PRSS12: variants seen among roughly 807,000 people sequenced by gnomAD.
PRSS12 encodes neurotrypsin.
A neutral mutation model predicts 104.4 loss-of-function variants in PRSS12; 85 were observed. The observed-to-expected ratio is 0.81, with a 90% confidence interval of 0.68 to 0.98. The LOEUF (loss-of-function observed/expected upper bound fraction) is 0.98. Among genes scored for constraint, PRSS12 ranks in the 50% least tolerant of loss-of-function variants. The pLI is 0.00. For missense variants in PRSS12, 1,141 were observed against 1,139.2 expected (o/e 1.00, Z -0.02); for synonymous variants, 454 against 425.2 (o/e 1.07, Z -0.83).
chr4:118,329,866 C>T (rs188017267), intron 4 of PRSS12, among the ~76,000 whole-genome samples: 7 of 152,270 alleles, frequency 4.6e-5, no homozygotes, highest in South Asian at 2.1e-4. Flanking sequence ...CCAGAACACA[C>T]GCCCATAATC....
intron 11 of PRSS12, among the ~76,000 whole-genome samples, chr4:118,288,383 ACTATGTCAT>A (rs1743057289): frequency 6.6e-6 from 1 of 152,214 alleles, no homozygotes; most frequent in South Asian, 2.1e-4. Flanking sequence ...TCTACCATAT[ACTATGTCAT>A]GATGAAACAT....
chr4:118,348,148 G>C (rs1272466960), intron 1 of PRSS12, among the ~76,000 whole-genome samples: 2 of 152,150 alleles, frequency 1.3e-5, no homozygotes, highest in Non-Finnish European at 2.9e-5. Context: ...AGAATTGCTT[G>C]ATCCTGAGAG....
chr4:118,350,598 A>G (rs1361184672), intron 1 of PRSS12, among the ~76,000 whole-genome samples: 1 of 152,180 alleles, frequency 6.6e-6, no homozygotes, highest in Non-Finnish European at 1.5e-5. Context: ...ACTATTATGC[A>G]GTATTTGGGA....
chr4:118,352,923 C>G lies in PRSS12; in HGVS notation c.-203G>C. On this transcript the variant is annotated 5_prime_UTR_variant, in exon 1 of 13. Coordinates refer to ENST00000296498, the MANE Select transcript of PRSS12 (RefSeq NM_003619.4). ...CGCCTCGGCTCCTGTCCCCTGGCGG[C>G]GGCCGCGGGTGGGGAAATCTGGAGC... The G allele has an allele frequency of 7.6e-7, 1 of 1,322,606 alleles. No individual in the cohort carries two copies. 81.9% of individuals were successfully genotyped at this position (1,322,606 alleles called of 1,614,324 possible). A position where few individuals can be genotyped will look rare whatever the true frequency, so the allele number is the denominator to read the frequency against.
At chr4:118,340,222 C>T (rs1298553385) in intron 1 of PRSS12, among the ~76,000 whole-genome samples, 4 of 152,186 alleles carry the variant, frequency 2.6e-5, no homozygotes, top group Admixed American at 2.0e-4. Context: ...GCTGCACCAT[C>T]ATTTTCTCTA....
Position 118,352,794 on chromosome 4 carries a change from G to C in PRSS12, c.-74C>G, listed in dbSNP as rs1724560015. ...TGGAGCGGAGAAGAGGAGGGGGCGG[G>C]GGCGGGGCTGCCGCGTCCCTCGAAT... On this transcript the variant is annotated 5_prime_UTR_variant, in exon 1 of 13. Coordinates refer to ENST00000296498, the MANE Select transcript of PRSS12 (RefSeq NM_003619.4). 3 of 1,579,728 alleles carry C rather than the reference G, an allele frequency of 1.9e-6. No individual in the cohort carries two copies. Among genetic ancestry groups the C allele is most frequent in the South Asian group, 2.3e-5 (2 of 87,154 alleles).
chr4:118,284,547 G>C (rs910738059), intron 11 of PRSS12, among the ~76,000 whole-genome samples: 1 of 152,148 alleles, frequency 6.6e-6, no homozygotes, highest in African/African-American at 2.4e-5. Context: ...GTATTCACCA[G>C]GTAACCACAC....
chr4:118,283,934 A>C (rs760491541), intron 11 of PRSS12, among the ~76,000 whole-genome samples: 2 of 152,126 alleles, frequency 1.3e-5, no homozygotes, highest in East Asian at 1.9e-4. Context: ...ATTAATTAGG[A>C]ATGCAAAAAA....
At chr4:118,342,129 G>A (rs1724230066) in intron 1 of PRSS12, among the ~76,000 whole-genome samples, 2 of 152,234 alleles carry the variant, frequency 1.3e-5, no homozygotes, top group African/African-American at 2.4e-5. Context: ...GACTATGAAC[G>A]TGTGGGTGTA....
At position 118,352,642 on chromosome 4, in the gene PRSS12, C is replaced by T. The variant is rs1452157859; in HGVS notation, c.79G>A (p.Asp27Asn). ...EVVGFDSVLN[D>N]SLHHSHRHSP... ...TGGCGGTGGCTGTGGTGGAGGGAAT[C>T]ATTGAGGACAGAATCAAAGCCGACC... is the stretch of plus-strand genomic sequence containing the variant. The change falls in exon 1 of 13, where the codon GAT becomes AAT. Residue 27 changes from aspartate (D) to asparagine (N), a missense_variant. Coordinates refer to ENST00000296498, the MANE Select transcript of PRSS12 (RefSeq NM_003619.4). 2 of 1,612,984 alleles carry T rather than the reference C, an allele frequency of 1.2e-6. No homozygotes were observed. The highest frequency in any genetic ancestry group is 1.7e-6 in the Non-Finnish European group (2 of 1,179,540).
Position 118,282,105 on chromosome 4 carries a change from C to CT in PRSS12, c.2458dup (p.Ser820LysfsTer13), listed in dbSNP as rs751823783. On this transcript the variant is annotated frameshift_variant, in exon 13 of 13. Transcript: ENST00000296498. LOFTEE classifies it high-confidence loss of function. ...TGGTCCTCCGCTGTCTCCCTGGCAG[C>CT]TGTCCACGCGTTTGTGTTCATGGAG... The CT allele has an allele frequency of 6.2e-7, 1 of 1,614,212 alleles. No individual in the cohort carries two copies. The highest frequency in any genetic ancestry group is 1.7e-5 in the Admixed American group (1 of 60,032).
chr4:118,346,487 T>C (rs866233377), intron 1 of PRSS12, among the ~76,000 whole-genome samples: 38 of 150,806 alleles, frequency 2.5e-4, no homozygotes, highest in African/African-American at 8.2e-4. Context: ...ATATTTACAA[T>C]AATTATTTTA....
Position 118,352,351 on chromosome 4 carries a change from G to C in PRSS12, c.370C>G (p.Pro124Ala). ...EVPPFLERSP[P>A]ASWAQLRGQR... ...CCTCGCAGCTGAGCCCAGCTCGCTG[G>C]GGGCGACCGCTCCAGGAAGGGTGGC... Residue 124 changes from proline (P) to alanine (A), a missense_variant, in exon 1 of 13, where the codon CCA becomes GCA. Pro to Ala is a conservative substitution (Grantham distance 27). Coordinates refer to ENST00000296498, the MANE Select transcript of PRSS12 (RefSeq NM_003619.4). 6.4e-7 allele frequency: 1 copy of C among 1,572,530 alleles called. No individual in the cohort carries two copies. Among genetic ancestry groups the C allele is most frequent in the Non-Finnish European group, 8.6e-7 (1 of 1,164,698 alleles).
chr4:118,295,167 G>C, intron 10 of PRSS12, 106 bp from the exon 11 acceptor site: 11 of 1,441,558 alleles, frequency 7.6e-6, no homozygotes. Flanking sequence ...TTGCAGGTGG[G>C]GGAAAAGGAA....
At chr4:118,340,429 C>T (rs1030810119) in intron 1 of PRSS12, among the ~76,000 whole-genome samples, 6 of 152,202 alleles carry the variant, frequency 3.9e-5, no homozygotes, top group Admixed American at 3.9e-4. Flanking sequence ...CCAACACACA[C>T]CTTCCTAACA....
At chr4:118,328,936 G>A (rs1723850878) in intron 4 of PRSS12, among the ~76,000 whole-genome samples, 1 of 152,078 alleles carries the variant, frequency 6.6e-6, no homozygotes, top group African/African-American at 2.4e-5. Flanking sequence ...TGGGATCCCA[G>A]GTGCCTACCA....
intron 4 of PRSS12, among the ~76,000 whole-genome samples, chr4:118,320,243 A>G (rs902819209): frequency 1.3e-5 from 2 of 152,128 alleles, no homozygotes; most frequent in African/African-American, 4.8e-5. Flanking sequence ...CTCTTTTCTT[A>G]TAACATTATA....
At chr4:118,299,775 A>AAAATAAAATAAAATAAAATAAAATAAAAT (rs1560768404) in intron 8 of PRSS12, among the ~76,000 whole-genome samples, 2 of 61,698 alleles carry the variant, frequency 3.2e-5, no homozygotes, top group African/African-American at 4.6e-5. Flanking sequence ...TAAATAAAAT[A>AAAATAAAATAAAATAAAATAAAATAAAAT]AAATAAAATA....
chr4:118,299,962 C>T (rs1743366126), intron 8 of PRSS12, among the ~76,000 whole-genome samples: 1 of 147,508 alleles, frequency 6.8e-6, no homozygotes, highest in African/African-American at 2.5e-5. Flanking sequence ...GCCTGGGTGA[C>T]AAGGCGAGAC....
Sources: gnomAD v4.1 joint callset for allele counts (sites outside exome capture counted in the v4.1 genomes callset) on GRCh38, gnomAD v4.1.1 for gene constraint, MANE v1.5 for transcripts, NCBI Gene and HGNC (gene_info 2026-07-23, HGNC 2026-07-21) for gene names.